CTNNA3: variants seen among roughly 807,000 people sequenced by gnomAD.
CTNNA3 encodes catenin alpha-3.
CTNNA3 carries 76 observed loss-of-function variants against 95.7 expected under a neutral mutation model. The observed-to-expected ratio is 0.79, with a 90% CI of 0.66 to 0.96. CTNNA3 has a LOEUF of 0.96. Ranked by LOEUF, CTNNA3 falls within the 40% of genes least tolerant of loss-of-function variation. CTNNA3 has a pLI of 0.00. For missense variants in CTNNA3, 1,191 were observed against 1,089.8 expected (o/e 1.09, Z -1.31); for synonymous variants, 431 against 374.4 (o/e 1.15, Z -1.74).
chr10:67,560,156 G>A (rs1431822218), intron 3 of CTNNA3, among the ~76,000 whole-genome samples: 5 of 151,968 alleles, frequency 3.3e-5, no homozygotes, highest in Admixed American at 6.6e-5. Context: ...GATACTCCTC[G>A]AGAAGAGCAA....
chr10:67,573,735 T>C lies in CTNNA3; in HGVS notation c.292+33122A>G, dbSNP rs1030759132. Among the ~76,000 whole-genome samples the C allele has an allele frequency of 2.0e-5, 3 of 150,706 alleles. No homozygotes were observed. In the East Asian group the frequency reaches 5.9e-4, roughly 30 times the overall value. On this transcript the variant is annotated intron_variant, in intron 3 of 17. Coordinates refer to ENST00000433211, the MANE Select transcript of CTNNA3 (RefSeq NM_013266.4). Reference sequence around the variant, plus strand: ...CTCCCTCCCTCCCTTCCTCCCTCCTTCCCTCTCTCCTTCCCTCCCTCTATC... The same window carrying C: ...CTCCCTCCCTCCCTTCCTCCCTCCTCCCCTCTCTCCTTCCCTCCCTCTATC...
chr10:66,443,350 G>C (rs1054744966), intron 11 of CTNNA3, among the ~76,000 whole-genome samples: 1 of 152,192 alleles, frequency 6.6e-6, no homozygotes, highest in African/African-American at 2.4e-5. Context: ...AGAACAGGCA[G>C]ACTGCCTCCT....
At chr10:66,143,339 T>C (rs574183869) in intron 13 of CTNNA3, among the ~76,000 whole-genome samples, 2 of 152,176 alleles carry the variant, frequency 1.3e-5, no homozygotes, top group Admixed American at 1.3e-4. Flanking sequence ...TTTTAAAAAA[T>C]TTTCTTCAGA....
chr10:66,716,737 G>C (rs1056732072), intron 9 of CTNNA3, among the ~76,000 whole-genome samples: 3 of 152,100 alleles, frequency 2.0e-5, no homozygotes, highest in African/African-American at 7.2e-5. Flanking sequence ...CTTTACCCTA[G>C]GAGTAAGGTT....
intron 5 of CTNNA3, among the ~76,000 whole-genome samples, chr10:67,413,861 A>T (rs561777543): frequency 2.6e-5 from 4 of 152,292 alleles, no homozygotes; most frequent in African/African-American, 9.6e-5. Context: ...TTAAGGCAGA[A>T]ATTTAAAAAA....
intron 9 of CTNNA3, among the ~76,000 whole-genome samples, chr10:66,654,873 C>A (rs1846024345): frequency 6.6e-6 from 1 of 152,028 alleles, no homozygotes; most frequent in Non-Finnish European, 1.5e-5. Context: ...ATCTAACTTA[C>A]ATGTGAAATC....
chr10:67,192,864 A>AATATGTATGT lies in CTNNA3; in HGVS notation c.844-12345_844-12344insACATACATAT, dbSNP rs1863180856. ...CTACCTAAGCATCTGCAGATGAATG[A>AATATGTATGT]ATGAATAAAGAAATGGTCATATATA... On this transcript the variant is annotated intron_variant, in intron 6 of 17. Coordinates refer to ENST00000433211, the MANE Select transcript of CTNNA3 (RefSeq NM_013266.4). 2.1e-4 allele frequency among the ~76,000 whole-genome samples: 32 copies of AATATGTATGT among 152,108 alleles called. 1 individual carries two copies. The South Asian group carries it at 6.2e-3, about 30-fold the overall frequency.
chr10:66,072,969 T>TGA (rs2080472498), intron 14 of CTNNA3, among the ~76,000 whole-genome samples: 1 of 152,182 alleles, frequency 6.6e-6, no homozygotes, highest in South Asian at 2.1e-4. Flanking sequence ...TGAAATCCTG[T>TGA]CATTTGTGAC....
At chr10:66,513,499 C>A (rs763635532) in intron 11 of CTNNA3, among the ~76,000 whole-genome samples, 4 of 152,184 alleles carry the variant, frequency 2.6e-5, no homozygotes, top group Admixed American at 6.5e-5. Context: ...GCACACGCAC[C>A]TCTGGTGGTA....
At chr10:66,265,090 C>T (rs1210089431) in intron 13 of CTNNA3, among the ~76,000 whole-genome samples, 1 of 152,030 alleles carries the variant, frequency 6.6e-6, no homozygotes, top group African/African-American at 2.4e-5. Context: ...AACCAGTTCT[C>T]TCTCTTGCAA....
chr10:66,207,778 T>C (rs2087856205), intron 13 of CTNNA3, among the ~76,000 whole-genome samples: 1 of 152,090 alleles, frequency 6.6e-6, no homozygotes, highest in South Asian at 2.1e-4. Context: ...GGGCTTGTAA[T>C]GATTATGTGG....
Position 65,958,981 on chromosome 10 carries a change from GC to G in CTNNA3, c.2400+7630del, listed in dbSNP as rs962851235. Among the ~76,000 whole-genome samples, 3 of 152,318 alleles carry G rather than the reference GC, an allele frequency of 2.0e-5. No individual in the cohort carries two copies. The South Asian group carries it at 6.2e-4, about 32-fold the overall frequency. ...GCTGCCTTTTGTTCAGCTATGCCCT[GC>G]CCCCAGAGGTGAAGTCTACAGAGGC... On this transcript the variant is annotated intron_variant, in intron 17 of 17. Coordinates refer to ENST00000433211, the MANE Select transcript of CTNNA3 (RefSeq NM_013266.4).
In CTNNA3 at chr10:66,581,366, A is replaced by C. The variant is rs2174711; in HGVS notation, c.1374+40326T>G. Among the ~76,000 whole-genome samples, 1,159 of 151,474 alleles carry C rather than the reference A, an allele frequency of 7.7e-3. 24 individuals carry two copies. Among genetic ancestry groups the C allele is most frequent in the African/African-American group, 0.027 (1,101 of 41,424 alleles). On this transcript the variant is annotated intron_variant, in intron 10 of 17. Coordinates refer to ENST00000433211, the MANE Select transcript of CTNNA3 (RefSeq NM_013266.4). ...ACTAATGTGTATTTCCACCAGCAGC[A>C]TATAAGTGTTCCTCTTTCACCACGT...
chr10:67,173,211 G>C (rs1019185187), intron 7 of CTNNA3, among the ~76,000 whole-genome samples: 2 of 152,108 alleles, frequency 1.3e-5, no homozygotes, highest in East Asian at 1.9e-4. Context: ...TCCTTTATAA[G>C]GGATTCCCTT....
intron 5 of CTNNA3, among the ~76,000 whole-genome samples, chr10:67,393,591 C>G (rs1390979027): frequency 1.3e-5 from 2 of 151,980 alleles, no homozygotes; most frequent in South Asian, 4.1e-4. Flanking sequence ...AAACTTTTGC[C>G]GCTCATTGCC....
chr10:67,212,783 C>T (rs751057177), intron 6 of CTNNA3, among the ~76,000 whole-genome samples: 47 of 151,886 alleles, frequency 3.1e-4, no homozygotes, highest in Middle Eastern at 3.4e-3. Context: ...CATTACATTC[C>T]TGGAATAAAT....
At chr10:65,926,068 T>C (rs2077164602) in intron 17 of CTNNA3, among the ~76,000 whole-genome samples, 1 of 149,916 alleles carries the variant, frequency 6.7e-6, no homozygotes, top group South Asian at 2.1e-4. Context: ...ACTAAATATA[T>C]AATAGATTAC....
At chr10:67,450,340 T>C (rs1004104472) in intron 5 of CTNNA3, among the ~76,000 whole-genome samples, 2 of 152,170 alleles carry the variant, frequency 1.3e-5, no homozygotes, top group Admixed American at 6.5e-5. Flanking sequence ...TAAAGACATA[T>C]GCACATGAAT....
At chr10:66,168,240 T>C (rs2085240108) in intron 13 of CTNNA3, among the ~76,000 whole-genome samples, 5 of 152,186 alleles carry the variant, frequency 3.3e-5, no homozygotes, top group Admixed American at 3.3e-4. Context: ...CCATACCATA[T>C]TGTGAAGTGA....
Sources: gnomAD v4.1 joint callset for allele counts (sites outside exome capture counted in the v4.1 genomes callset) on GRCh38, gnomAD v4.1.1 for gene constraint, MANE v1.5 for transcripts, NCBI Gene and HGNC (gene_info 2026-07-23, HGNC 2026-07-21) for gene names.